Variants in PCDHA5 observed in about 807,000 individuals in gnomAD.
PCDHA5 encodes protocadherin alpha-5.
Under a neutral mutation model 61.6 loss-of-function variants are expected in PCDHA5, and 43 were observed. The ratio of observed to expected loss-of-function variants is 0.70; its 90% CI spans 0.55 to 0.90. PCDHA5 has a LOEUF of 0.90. Ranked by LOEUF, PCDHA5 falls within the 40% of genes least tolerant of loss-of-function variation. PCDHA5 has a pLI of 0.00. For missense variants in PCDHA5, 1,298 were observed against 1,222.7 expected (o/e 1.06, Z -0.92); for synonymous variants, 627 against 543.9 (o/e 1.15, Z -2.13).
chr5:140,875,306 C>T, intron 1 of PCDHA5: 1 of 1,420,166 alleles, frequency 7.0e-7, no homozygotes, highest in Admixed American at 2.9e-5. Context: ...TTCTCCGCAC[C>T]CACATTCCAA....
chr5:140,866,321 C>A (rs1282592787), intron 1 of PCDHA5: 1 of 152,000 alleles, frequency 6.6e-6, no homozygotes, highest in Non-Finnish European at 1.5e-5. Flanking sequence ...TTTCAGGGAC[C>A]CTGAACTTGG....
At chr5:140,869,920 G>A (rs1554163605) in intron 1 of PCDHA5, 2 of 1,611,398 alleles carry the variant, frequency 1.2e-6, no homozygotes, top group Non-Finnish European at 1.7e-6. Flanking sequence ...AGACGAAGGA[G>A]TCAATGGAGA....
intron 1 of PCDHA5, chr5:140,864,741 C>T (rs1031120106): frequency 1.1e-4 from 17 of 151,978 alleles, no homozygotes; most frequent in Admixed American, 3.3e-4. Flanking sequence ...CTTTGAGCAC[C>T]GATTATACTC....
chr5:140,914,619 T>G (rs1554196515), intron 1 of PCDHA5, among the ~76,000 whole-genome samples: 1 of 152,194 alleles, frequency 6.6e-6, no homozygotes, highest in African/African-American at 2.4e-5. Context: ...TTTTGTAATT[T>G]GTTTTCTCGT....
rs1158255259 is a variant in PCDHA5, at chr5:140,838,075, ATAGTGTGTGTGTGTGTGTGT to A, written c.2352+13949_2352+13968del. 3.0e-3 allele frequency among the ~76,000 whole-genome samples: 387 copies of A among 128,240 alleles called. 6 individuals carry two copies. The highest frequency in any genetic ancestry group is 2.7e-3 in the South Asian group (10 of 3,754). 84.1% of individuals were successfully genotyped at this position (128,240 alleles called of 152,430 possible). A position where few individuals can be genotyped will look rare whatever the true frequency, so the allele number is the denominator to read the frequency against. ...GTTTTCCACTTTAAGTTATATATAT[ATAGTGTGTGTGTGTGTGTGT>A]GTGTGTGTGTGTGTGTGTGTGTGTG... On this transcript the variant is annotated intron_variant, in intron 1 of 3. Transcript: ENST00000529859.
intron 1 of PCDHA5, chr5:140,857,350 G>C: frequency 6.3e-7 from 1 of 1,598,502 alleles, no homozygotes; most frequent in Non-Finnish European, 8.6e-7. Context: ...CGCCTCCGCT[G>C]TGGGCCACGG....
chr5:140,876,155 T>C lies in PCDHA5; in HGVS notation c.2352+52028T>C, dbSNP rs1554168308. Reference sequence around the variant, plus strand: ...CCAGAACTAACAGGGTCTGTCCAGATTCAAATAACCGTCCTGGATGTGAAT... The same window carrying C: ...CCAGAACTAACAGGGTCTGTCCAGACTCAAATAACCGTCCTGGATGTGAAT... On this transcript the variant is annotated intron_variant, in intron 1 of 3. Coordinates refer to ENST00000529859, the MANE Select transcript of PCDHA5 (RefSeq NM_018908.3). 3 of 1,613,994 alleles carry C rather than the reference T, an allele frequency of 1.9e-6. No homozygotes were observed. Among genetic ancestry groups the C allele is most frequent in the Admixed American group, 3.3e-5 (2 of 60,026 alleles).
rs2150357061 is a variant in PCDHA5, at chr5:140,843,307, G to A, written c.2352+19180G>A. 9.4e-6 allele frequency: 15 copies of A among 1,595,858 alleles called. 1 individual carries two copies. In the African/African-American group the frequency reaches 1.1e-4, roughly 11 times the overall value. Reference sequence around the variant, plus strand: ...ATGGTGAACCTGCGCTGACCGCCACGGCCACGGTTCTGGTGTCGCTGGTGG... The same window carrying A: ...ATGGTGAACCTGCGCTGACCGCCACAGCCACGGTTCTGGTGTCGCTGGTGG... On this transcript the variant is annotated intron_variant, in intron 1 of 3. Coordinates refer to ENST00000529859, the MANE Select transcript of PCDHA5 (RefSeq NM_018908.3).
chr5:140,882,438 C>T (rs782795158), intron 1 of PCDHA5: 5 of 1,614,020 alleles, frequency 3.1e-6, no homozygotes, highest in Non-Finnish European at 4.2e-6. Context: ...CTGGAGCTGG[C>T]GGAGCTGGTG....
chr5:140,843,227 G>A, intron 1 of PCDHA5: 1 of 1,596,116 alleles, frequency 6.3e-7, no homozygotes, highest in Non-Finnish European at 8.6e-7. Flanking sequence ...CACCACTCGT[G>A]TCCTGGACGA....
At chr5:140,879,229 T>C (rs1415984062) in intron 1 of PCDHA5, among the ~76,000 whole-genome samples, 2 of 152,102 alleles carry the variant, frequency 1.3e-5, no homozygotes, top group African/African-American at 2.4e-5. Context: ...AAAAGACATA[T>C]ACAAGAGGCA....
Position 140,863,052 on chromosome 5 carries a change from C to A in PCDHA5, c.2352+38925C>A, listed in dbSNP as rs782611491. On this transcript the variant is annotated intron_variant, in intron 1 of 3. Transcript: ENST00000529859. ...CAGCTGCATCTGTCAGCTGGCAGCA[C>A]CCGTTCCACGTGGGGCTCTGCACGG... The A allele has an allele frequency of 3.2e-5, 18 of 562,664 alleles. No individual in the cohort carries two copies. The East Asian group carries it at 8.4e-4, about 26-fold the overall frequency. 34.9% of individuals were successfully genotyped at this position (562,664 alleles called of 1,614,324 possible).
chr5:140,829,366 A>G (rs17853691), intron 1 of PCDHA5: 1 of 1,614,210 alleles, frequency 6.2e-7, no homozygotes. Context: ...AGTTGGTGGT[A>G]ACCGCGCGGG....
intron 1 of PCDHA5, chr5:140,851,093 TA>T: frequency 1.5e-6 from 2 of 1,294,092 alleles, no homozygotes; most frequent in Admixed American, 2.9e-5. Flanking sequence ...ATTAAATAGA[TA>T]TTTTTTGGGT....
At chr5:140,960,508 A>C (rs1026528724) in intron 1 of PCDHA5, among the ~76,000 whole-genome samples, 10 of 152,190 alleles carry the variant, frequency 6.6e-5, no homozygotes, top group Non-Finnish European at 1.3e-4. Context: ...TCCAAGCAGC[A>C]AACATAATGG....
In PCDHA5 at chr5:140,938,408, G is replaced by A. The variant is rs115039361; in HGVS notation, c.2353-40541G>A. Among the ~76,000 whole-genome samples, 826 of 151,992 alleles carry A rather than the reference G, an allele frequency of 5.4e-3. 3 individuals are homozygous for A. The highest frequency in any genetic ancestry group is 0.019 in the African/African-American group (797 of 41,474). ...TAATATGAAATACATTGTTTGATTG[G>A]GTTTATTTGCAAAAATCCTTTATCA... On this transcript the variant is annotated intron_variant, in intron 1 of 3. Coordinates refer to ENST00000529859, the MANE Select transcript of PCDHA5 (RefSeq NM_018908.3).
chr5:140,921,932 T>C (rs1249285993), intron 1 of PCDHA5, among the ~76,000 whole-genome samples: 1 of 152,080 alleles, frequency 6.6e-6, no homozygotes, highest in Non-Finnish European at 1.5e-5. Context: ...ATAGTCAATA[T>C]AATTTTACAC....
chr5:140,887,306 C>G (rs2061398552), intron 1 of PCDHA5, among the ~76,000 whole-genome samples: 1 of 152,096 alleles, frequency 6.6e-6, no homozygotes. Flanking sequence ...TCTTGTTAGC[C>G]AGGATAGTCT....
chr5:140,995,314 G>A (rs2097676013), intron 3 of PCDHA5, among the ~76,000 whole-genome samples: 1 of 152,140 alleles, frequency 6.6e-6, no homozygotes, highest in Admixed American at 6.5e-5. Context: ...CTTTCTAAGT[G>A]AACTAACAGG....
Sources: allele counts gnomAD v4.1 joint callset (sites outside exome capture counted in the v4.1 genomes callset), GRCh38; gene constraint gnomAD v4.1.1; transcripts MANE v1.5; gene names NCBI Gene and HGNC (gene_info 2026-07-23, HGNC 2026-07-21).